Variants in PRKCB observed in about 807,000 individuals in gnomAD.
The protein encoded by PRKCB is protein kinase C beta, also known as protein kinase C beta type.
A neutral mutation model predicts 81.5 loss-of-function variants in PRKCB; 13 were observed. The ratio of observed to expected loss-of-function variants is 0.16; its 90% CI spans 0.10 to 0.25. The LOEUF is 0.25. Ranked by LOEUF, PRKCB falls within the 10% of genes least tolerant of loss-of-function variation. The pLI is 1.00. For synonymous variants in PRKCB, 335 were observed against 321.4 expected (o/e 1.04, Z -0.45); for missense variants, 509 against 875.7 (o/e 0.58, Z 5.29).
chr16:23,915,708 A>AAAAAAAG (rs1387759625), intron 2 of PRKCB, among the ~76,000 whole-genome samples: 1 of 150,760 alleles, frequency 6.6e-6, no homozygotes, highest in Non-Finnish European at 1.5e-5. Flanking sequence ...AAAAAAAAAA[A>AAAAAAAG]AAAAGCAGAA....
At chr16:23,950,157 T>TTCTG (rs1964261097) in intron 2 of PRKCB, among the ~76,000 whole-genome samples, 1 of 147,820 alleles carries the variant, frequency 6.8e-6, no homozygotes, top group Non-Finnish European at 1.5e-5. Context: ...TTTTTTTTTT[T>TTCTG]TCTGTTGATC....
At chr16:23,861,288 C>T (rs1251474869) in intron 2 of PRKCB, among the ~76,000 whole-genome samples, 1 of 152,102 alleles carries the variant, frequency 6.6e-6, no homozygotes, top group African/African-American at 2.4e-5. Flanking sequence ...CCCACTTCAG[C>T]CTCCCAGGTA....
intron 2 of PRKCB, among the ~76,000 whole-genome samples, chr16:23,882,405 A>G (rs1425898739): frequency 6.6e-6 from 1 of 151,502 alleles, no homozygotes; most frequent in Non-Finnish European, 1.5e-5. Context: ...TTGATTTTTA[A>G]TAGAGACAAG....
intron 5 of PRKCB, among the ~76,000 whole-genome samples, chr16:24,041,078 G>A (rs1965691886): frequency 7.8e-6 from 1 of 128,300 alleles, no homozygotes; most frequent in Admixed American, 8.3e-5. Flanking sequence ...GTGTGACAGA[G>A]TCTTGCTGTC....
chr16:24,136,154 A>C (rs1596564092), intron 9 of PRKCB, among the ~76,000 whole-genome samples: 1 of 137,376 alleles, frequency 7.3e-6, no homozygotes. Flanking sequence ...CCCTTCTTCC[A>C]CCTTCCCGAA....
At chr16:24,193,290 C>T (rs575816328) in intron 16 of PRKCB, among the ~76,000 whole-genome samples, 104 of 151,556 alleles carry the variant, frequency 6.9e-4, no homozygotes, top group Non-Finnish European at 6.3e-4. Flanking sequence ...TAAAAAAGTA[C>T]AAAAAATAGC....
chr16:24,015,747 G>A (rs114665739), intron 3 of PRKCB, among the ~76,000 whole-genome samples: 35 of 152,298 alleles, frequency 2.3e-4, no homozygotes, highest in African/African-American at 8.2e-4. Flanking sequence ...GTGTACATTG[G>A]TTTATGCTTC....
intron 11 of PRKCB, 139 bp downstream of exon 11, chr16:24,172,500 A>C (rs1412850779): frequency 2.8e-5 from 19 of 678,920 alleles, no homozygotes; most frequent in Non-Finnish European, 4.8e-5. Context: ...CCAGGGAAGA[A>C]AGGTGTTCTG....
chr16:24,189,263 T>C (rs198143), intron 15 of PRKCB, among the ~76,000 whole-genome samples: 9,587 of 152,286 alleles, frequency 0.063, 300 homozygotes, highest in Middle Eastern at 0.082. Flanking sequence ...TGAGTGTTCA[T>C]TGCCTTTTTA....
chr16:24,167,156 A>G (rs76356971), intron 10 of PRKCB, among the ~76,000 whole-genome samples: 3 of 151,628 alleles, frequency 2.0e-5, no homozygotes, highest in African/African-American at 7.3e-5. Context: ...AAAAAAAAAA[A>G]AGCCAAAGAA....
chr16:24,035,128 G>A (rs991621909), intron 4 of PRKCB, among the ~76,000 whole-genome samples: 5 of 152,202 alleles, frequency 3.3e-5, no homozygotes, highest in African/African-American at 1.2e-4. Flanking sequence ...TGGTGACTCT[G>A]GCTTCAGAGC....
In PRKCB at chr16:24,193,472, T is replaced by TAAAAA. The variant is rs1443917376; in HGVS notation, c.1863+2245_1863+2246insAAAAA. Among the ~76,000 whole-genome samples, 79 of 103,160 alleles carry TAAAAA rather than the reference T, an allele frequency of 7.7e-4. 1 individual carries two copies. Among genetic ancestry groups the TAAAAA allele is most frequent in the Admixed American group, 2.8e-3 (29 of 10,234 alleles). The allele number at this position is 103,160 out of a possible 152,430, so 67.7% of individuals were successfully genotyped here. ...ATAAATAAATAAATAAATAAATAAA[T>TAAAAA]AAATAAATAAATAAATAAATAAATA... On this transcript the variant is annotated intron_variant, in intron 16 of 16. Transcript: ENST00000643927.
chr16:24,119,602 C>G (rs57794798), intron 8 of PRKCB, among the ~76,000 whole-genome samples: 121,302 of 151,550 alleles, frequency 0.8, 49,501 homozygotes, highest in East Asian at 1. Flanking sequence ...GGTGATGGGG[C>G]AGCAGGGAGG....
intron 2 of PRKCB, among the ~76,000 whole-genome samples, chr16:23,985,678 C>T (rs1353157125): frequency 1.3e-5 from 2 of 152,080 alleles, no homozygotes; most frequent in Non-Finnish European, 2.9e-5. Flanking sequence ...TGAATACAAT[C>T]CCAATAAAAA....
chr16:24,139,720 T>G (rs1966881345), intron 9 of PRKCB, among the ~76,000 whole-genome samples: 1 of 152,246 alleles, frequency 6.6e-6, no homozygotes, highest in African/African-American at 2.4e-5. Context: ...AAAAATTAGC[T>G]TATCTATCAC....
intron 2 of PRKCB, among the ~76,000 whole-genome samples, chr16:23,865,971 A>G (rs560418492): frequency 4.6e-5 from 7 of 152,182 alleles, no homozygotes; most frequent in African/African-American, 1.7e-4. Context: ...CCCGGGCTCT[A>G]TGGGATCCTG....
intron 16 of PRKCB, among the ~76,000 whole-genome samples, chr16:24,200,274 G>A: frequency 6.6e-6 from 1 of 152,198 alleles, no homozygotes; most frequent in East Asian, 1.9e-4. Context: ...GGAGTTTGCA[G>A]AGATCTTAAT....
intron 3 of PRKCB, among the ~76,000 whole-genome samples, chr16:23,998,289 T>A (rs1037169680): frequency 1.5e-4 from 23 of 152,206 alleles, no homozygotes; most frequent in African/African-American, 5.5e-4. Context: ...CTGGCTTTCT[T>A]GGTTCTCTGG....
At chr16:23,959,433 G>A (rs1465096224) in intron 2 of PRKCB, among the ~76,000 whole-genome samples, 4 of 152,102 alleles carry the variant, frequency 2.6e-5, no homozygotes, top group African/African-American at 7.2e-5. Flanking sequence ...GTGTCATTGG[G>A]GTAGGACCAA....
Sources: gnomAD v4.1 joint callset for allele counts (sites outside exome capture counted in the v4.1 genomes callset) on GRCh38, gnomAD v4.1.1 for gene constraint, MANE v1.5 for transcripts, NCBI Gene and HGNC (gene_info 2026-07-23, HGNC 2026-07-21) for gene names.